The following CNTN3 variants were observed in gnomAD, a reference collection of about 807,000 sequenced individuals.
CNTN3 encodes the protein contactin 3.
A neutral mutation model predicts 119.1 loss-of-function variants in CNTN3; 60 were observed. The ratio of observed to expected loss-of-function variants is 0.50; its 90% CI spans 0.41 to 0.62. The LOEUF is 0.62. Among genes scored for constraint, CNTN3 ranks in the 20% least tolerant of loss-of-function variants. The probability of loss-of-function intolerance (pLI) is 0.00; values close to 1 mark genes in which losing one functional copy is unlikely to be tolerated. For synonymous variants in CNTN3, 450 were observed against 438.7 expected, an observed-to-expected ratio of 1.03 and a Z score of -0.32; for missense variants, 1,101 against 1,242.4, an observed-to-expected ratio of 0.89 and a Z score of 1.71.
At chr3:74,559,537 T>A (rs1031132294) in intron 1 of CNTN3, among the ~76,000 whole-genome samples, 1 of 151,284 alleles carries the variant, frequency 6.6e-6, no homozygotes, top group Non-Finnish European at 1.5e-5. Context: ...TGGCAGTCAG[T>A]CCTCACAGAA....
chr3:74,439,533 TA>T (rs200101729), intron 4 of CNTN3, among the ~76,000 whole-genome samples: 4 of 152,234 alleles, frequency 2.6e-5, no homozygotes, highest in African/African-American at 4.8e-5. Context: ...TATATGATAC[TA>T]AAAAAATCTG....
intron 4 of CNTN3, among the ~76,000 whole-genome samples, chr3:74,450,758 C>T (rs1702137474): frequency 6.8e-6 from 1 of 147,982 alleles, no homozygotes; most frequent in Admixed American, 6.9e-5. Context: ...TGAGAATATG[C>T]AGTGTTTGGT....
At chr3:74,419,179 A>T (rs1701578874) in intron 5 of CNTN3, among the ~76,000 whole-genome samples, 1 of 152,190 alleles carries the variant, frequency 6.6e-6, no homozygotes, top group Non-Finnish European at 1.5e-5. Flanking sequence ...ATGAAGCTGT[A>T]TTATACTTAC....
chr3:74,270,625 G>A (rs527279530), intron 20 of CNTN3, among the ~76,000 whole-genome samples: 2 of 152,280 alleles, frequency 1.3e-5, no homozygotes, highest in South Asian at 2.1e-4. Flanking sequence ...AAAGTATGGA[G>A]TCAAGTAGTG....
intron 1 of CNTN3, among the ~76,000 whole-genome samples, chr3:74,569,540 G>A (rs1322191683): frequency 6.6e-6 from 1 of 152,184 alleles, no homozygotes; most frequent in African/African-American, 2.4e-5. Flanking sequence ...CAGCACTTCA[G>A]TGAGTGAAAA....
At chr3:74,337,362 G>A (rs1431052828) in intron 11 of CNTN3, among the ~76,000 whole-genome samples, 4 of 152,088 alleles carry the variant, frequency 2.6e-5, no homozygotes, top group African/African-American at 9.7e-5. Context: ...AACACAAAAA[G>A]TCTCCACCTT....
At chr3:74,321,164 G>T (rs777782792) in intron 13 of CNTN3, among the ~76,000 whole-genome samples, 2 of 152,094 alleles carry the variant, frequency 1.3e-5, no homozygotes, top group Non-Finnish European at 2.9e-5. Context: ...AAGAATTGAA[G>T]ACTATTGGGT....
intron 20 of CNTN3, among the ~76,000 whole-genome samples, chr3:74,280,182 G>T (rs1162831282): frequency 6.6e-6 from 1 of 151,470 alleles, no homozygotes; most frequent in Admixed American, 6.6e-5. Flanking sequence ...AAAAAAAGTT[G>T]AATTAAAAAA....
At chr3:74,604,684 C>T (rs1389137789) in intron 1 of CNTN3, among the ~76,000 whole-genome samples, 4 of 151,866 alleles carry the variant, frequency 2.6e-5, no homozygotes, top group Non-Finnish European at 2.9e-5. Context: ...TGTGGAGAAA[C>T]CTTGCACACT....
intron 1 of CNTN3, among the ~76,000 whole-genome samples, chr3:74,549,926 A>G (rs1199063428): frequency 6.6e-6 from 1 of 152,192 alleles, no homozygotes; most frequent in African/African-American, 2.4e-5. Flanking sequence ...GGAGAACTAT[A>G]TACCATTTGA....
intron 14 of CNTN3, 54 bp from the exon 15 acceptor site, chr3:74,301,859 C>A: frequency 6.4e-7 from 1 of 1,572,718 alleles, no homozygotes; most frequent in South Asian, 1.1e-5. Context: ...ATGTCATCCT[C>A]TCCTATCAAA....
At chr3:74,405,260 T>TCCAC (rs1705296424) in intron 5 of CNTN3, among the ~76,000 whole-genome samples, 2 of 152,106 alleles carry the variant, frequency 1.3e-5, no homozygotes, top group Non-Finnish European at 2.9e-5. Context: ...ATCGATAATC[T>TCCAC]ACTCTTTCTC....
chr3:74,562,950 C>G (rs1262707666), intron 1 of CNTN3, among the ~76,000 whole-genome samples: 1 of 152,164 alleles, frequency 6.6e-6, no homozygotes, highest in Non-Finnish European at 1.5e-5. Context: ...GCAGCCCTGG[C>G]ATGCGAAGAG....
At chr3:74,349,081 G>A (rs1005537548) in intron 11 of CNTN3, among the ~76,000 whole-genome samples, 26 of 148,898 alleles carry the variant, frequency 1.7e-4, no homozygotes, top group African/African-American at 5.5e-4. Flanking sequence ...GCGAGACCCT[G>A]TCTCTTAAAA....
chr3:74,608,332 C>T (rs1705026434), intron 1 of CNTN3, among the ~76,000 whole-genome samples: 2 of 152,080 alleles, frequency 1.3e-5, no homozygotes, highest in African/African-American at 4.8e-5. Flanking sequence ...TACAAAATTT[C>T]CCCCATTTAT....
chr3:74,550,437 GC>G (rs1484786030), intron 1 of CNTN3, among the ~76,000 whole-genome samples: 1 of 152,132 alleles, frequency 6.6e-6, no homozygotes, highest in African/African-American at 2.4e-5. Flanking sequence ...ACACCAGAAA[GC>G]ATCTGCAATT....
intron 1 of CNTN3, among the ~76,000 whole-genome samples, chr3:74,582,783 T>TGTGTG: frequency 2.1e-5 from 3 of 145,094 alleles, no homozygotes; most frequent in East Asian, 4.0e-4. Flanking sequence ...GTGTATGCAT[T>TGTGTG]TGTGTGTGTG....
At chr3:74,419,288 G>C (rs1269554257) in intron 5 of CNTN3, among the ~76,000 whole-genome samples, 2 of 152,078 alleles carry the variant, frequency 1.3e-5, no homozygotes, top group Non-Finnish European at 2.9e-5. Context: ...CTAGCAACTG[G>C]ACAAGTCTTC....
chr3:74,267,316 A>T lies in CNTN3; in HGVS notation c.2767T>A (p.Trp923Arg), dbSNP rs966363698. Residue 923 changes from tryptophan (W) to arginine (R), a missense_variant, in exon 21 of 23, where the codon TGG becomes AGG. By Grantham distance (101) the Trp-to-Arg change is moderately radical. Transcript: ENST00000263665. ...TTCTCCATGGCTTTAACTTGCTCCC[A>T]ATTAAGTAACACTTTAGTGTCTGTG... is the stretch of plus-strand genomic sequence containing the variant. ...NATDTKVLLN[W>R]EQVKAMENES... The T allele has an allele frequency of 6.2e-7, 1 of 1,613,312 alleles. No individual in the cohort carries two copies. The highest frequency in any genetic ancestry group is 8.5e-7 in the Non-Finnish European group (1 of 1,179,516).
Sources: allele counts gnomAD v4.1 joint callset (sites outside exome capture counted in the v4.1 genomes callset), GRCh38; gene constraint gnomAD v4.1.1; transcripts MANE v1.5; gene names NCBI Gene and HGNC (gene_info 2026-07-23, HGNC 2026-07-21).